Variants in SEC31A observed in about 807,000 individuals in gnomAD.
The protein encoded by SEC31A is SEC31 homolog A, COPII component, also known as protein transport protein Sec31A.
SEC31A carries 70 observed loss-of-function variants against 151.0 expected under a neutral mutation model. The observed-to-expected ratio is 0.46, with a 90% CI of 0.38 to 0.57. SEC31A has a LOEUF of 0.57. Among genes scored for constraint, SEC31A ranks in the 20% least tolerant of loss-of-function variants. The pLI, the probability that SEC31A is intolerant of heterozygous loss-of-function variation, is 0.00. For synonymous variants in SEC31A, 475 were observed against 505.9 expected, an observed-to-expected ratio of 0.94 and a Z score of 0.82; for missense variants, 1,330 against 1,471.2, an observed-to-expected ratio of 0.90 and a Z score of 1.57.
Position 82,864,580 on chromosome 4 carries a change from T to C in SEC31A, c.1216A>G (p.Thr406Ala). 1 of 1,613,958 alleles carries C rather than the reference T, an allele frequency of 6.2e-7. No individual in the cohort carries two copies. The highest frequency in any genetic ancestry group is 1.1e-5 in the South Asian group (1 of 91,076). ...ASFSFGGKLV[T>A]FENVRMPSHQ... The stretch of plus-strand genomic sequence containing the variant: ...GAAGGCATTCTGACATTCTCAAACG[T>C]AACCAGTTTGCCTCCAAACTATAAA... Residue 406 changes from threonine to alanine, a missense_variant, in exon 11 of 27, where the codon ACG becomes GCG. Coordinates refer to ENST00000395310, the MANE Select transcript of SEC31A (RefSeq NM_001077207.4).
At chr4:82,836,752 T>C (rs921853740) in intron 22 of SEC31A, among the ~76,000 whole-genome samples, 2 of 151,986 alleles carry the variant, frequency 1.3e-5, no homozygotes, top group African/African-American at 4.8e-5. Context: ...TGTTTCAGTA[T>C]GAGATGATGA....
At chr4:82,844,619 T>G in intron 20 of SEC31A, 110 bp from the exon 21 acceptor site, 1 of 1,111,244 alleles carries the variant, frequency 9.0e-7, no homozygotes, top group South Asian at 1.6e-5. Flanking sequence ...AAAAAAAACT[T>G]TATTGCATAA....
At chr4:82,841,706 T>G (rs1419614264) in intron 22 of SEC31A, among the ~76,000 whole-genome samples, 1 of 151,200 alleles carries the variant, frequency 6.6e-6, no homozygotes, top group Non-Finnish European at 1.5e-5. Flanking sequence ...GTTCAGTGGC[T>G]CACACCTGTA....
At position 82,841,442 on chromosome 4, in the gene SEC31A, T is replaced by TTATATATATATATATATATATATA. The variant is rs58373170; in HGVS notation, c.2968+674_2968+697dup. Among the ~76,000 whole-genome samples the TTATATATATATATATATATATATA allele has an allele frequency of 4.7e-3, 300 of 64,192 alleles. 5 individuals are homozygous for TTATATATATATATATATATATATA. Among genetic ancestry groups the TTATATATATATATATATATATATA allele is most frequent in the Middle Eastern group, 0.038 (3 of 78 alleles). 42.1% of individuals were successfully genotyped at this position (64,192 alleles called of 152,430 possible). ...CATCTCAAAAAAGAAAAAAAAAATT[T>TTATATATATATATATATATATATA]TATATATATATATATATATATATAT... On this transcript the variant is annotated intron_variant, in intron 22 of 26. Coordinates refer to ENST00000395310, the MANE Select transcript of SEC31A (RefSeq NM_001077207.4).
chr4:82,883,017 G>A (rs1319641473), intron 1 of SEC31A, among the ~76,000 whole-genome samples: 1 of 152,206 alleles, frequency 6.6e-6, no homozygotes, highest in Non-Finnish European at 1.5e-5. Context: ...CTATTTGGGA[G>A]GCTGAAGCAG....
At chr4:82,838,718 G>A (rs1375270775) in intron 22 of SEC31A, among the ~76,000 whole-genome samples, 1 of 152,128 alleles carries the variant, frequency 6.6e-6, no homozygotes. Context: ...GAAATGTATG[G>A]TCTTTTCTGC....
At chr4:82,858,879 T>G (rs993418870) in intron 14 of SEC31A, among the ~76,000 whole-genome samples, 16 of 151,602 alleles carry the variant, frequency 1.1e-4, no homozygotes, top group Non-Finnish European at 2.2e-4. Context: ...ATTTTTGTAT[T>G]TTTAGTAGAG....
chr4:82,898,311 T>C (rs1350386), intron 3 of SEC31A, among the ~76,000 whole-genome samples: 103,770 of 152,084 alleles, frequency 0.68, 37,683 homozygotes, highest in Non-Finnish European at 0.8. Context: ...ACAAAAAAAG[T>C]ATAGATAAGT....
rs1737770486 is a variant in SEC31A at position 82,875,722 on chromosome 4, A to C, written c.498+5T>G. 6.5e-7 allele frequency: 1 copy of C among 1,544,982 alleles called. No individual in the cohort carries two copies. The highest frequency in any genetic ancestry group is 8.9e-7 in the Non-Finnish European group (1 of 1,122,952). ...TTACAATGATCAAAATCAATATAAA[A>C]ATACCTGTGTTTTGGCTCCTGGTGT... On this transcript the variant is annotated splice_donor_5th_base_variant and intron_variant, in intron 5 of 26. Coordinates refer to ENST00000395310, the MANE Select transcript of SEC31A (RefSeq NM_001077207.4).
chr4:82,856,897 T>C, intron 16 of SEC31A, 55 bp downstream of exon 16: 3 of 1,434,168 alleles, frequency 2.1e-6, no homozygotes, highest in African/African-American at 1.4e-5. Context: ...AACAGTGTAT[T>C]GTTTTTATAA....
intron 3 of SEC31A, chr4:82,897,766 T>G (rs1578435528): frequency 6.6e-6 from 1 of 151,974 alleles, no homozygotes; most frequent in East Asian, 1.9e-4. Flanking sequence ...GAAATGAAAT[T>G]AAAAAAAGCT....
At chr4:82,888,372 A>AC (rs1288471958) in intron 1 of SEC31A, among the ~76,000 whole-genome samples, 5 of 42,978 alleles carry the variant, frequency 1.2e-4, no homozygotes, top group African/African-American at 1.8e-4. Flanking sequence ...AAAAAAAAAA[A>AC]ACACACAAAA....
rs375907439 is a variant in SEC31A at position 82,900,333 on chromosome 4, C to A, written c.-174+1G>T. ...CACCGTGTTTTATCCCTCTTCCATA[C>A]CCTTTCCTCCCGATATCCTCCAGTT... On this transcript the variant is annotated splice_donor_variant, in intron 1 of 28. Transcript: ENST00000355196. LOFTEE classifies it low-confidence loss of function (5UTR_SPLICE). 12 of 186,046 alleles carry A rather than the reference C, an allele frequency of 6.5e-5. No individual in the cohort carries two copies. Among genetic ancestry groups the A allele is most frequent in the East Asian group, 4.8e-4 (3 of 6,274 alleles). The allele number at this position is 186,046 out of a possible 1,614,324, so 11.5% of individuals were successfully genotyped here.
Position 82,857,086 on chromosome 4 carries a change from C to A in SEC31A, c.1747G>T (p.Glu583Ter). 6.2e-7 allele frequency: 1 copy of A among 1,613,780 alleles called. No individual in the cohort carries two copies. The highest frequency in any genetic ancestry group is 8.5e-7 in the Non-Finnish European group (1 of 1,179,954). Residue 583 changes from glutamate to a stop codon, truncating the protein, a stop_gained, in exon 16 of 27, where the codon GAG (glutamate) becomes TAG (stop). Transcript: ENST00000395310. LOFTEE classifies it high-confidence loss of function. ...ITQALLTGNF[E>*]SAVDLCLHDN... The stretch of plus-strand genomic sequence containing the variant: ...TGTAAACAAAGGTCAACAGCACTCT[C>A]AAAATTGCCCGTCAGCAAAGCCTGA...
chr4:82,890,470 T>G (rs964378396), intron 1 of SEC31A, among the ~76,000 whole-genome samples: 1 of 152,214 alleles, frequency 6.6e-6, no homozygotes, highest in Non-Finnish European at 1.5e-5. Flanking sequence ...AAATTTATAA[T>G]GCCCACAAGT....
chr4:82,830,206 G>A (rs1391086872), intron 22 of SEC31A, among the ~76,000 whole-genome samples: 2 of 152,242 alleles, frequency 1.3e-5, no homozygotes, highest in Non-Finnish European at 2.9e-5. Flanking sequence ...GCTCATGCCT[G>A]TAATTCCAGC....
Position 82,835,202 on chromosome 4 carries a change from T to C in SEC31A, c.2969-6144A>G, listed in dbSNP as rs76386867. On this transcript the variant is annotated intron_variant, in intron 22 of 26. Transcript: ENST00000395310. The stretch of plus-strand genomic sequence containing the variant: ...GATCTCTACTTTATAGAGACATCCT[T>C]TAATAGCGACAGGACATAAAACAAG... Among the ~76,000 whole-genome samples the C allele has an allele frequency of 1.4e-3, 212 of 152,248 alleles. 1 individual carries two copies. The highest frequency in any genetic ancestry group is 2.4e-3 in the Non-Finnish European group (165 of 68,016).
Position 82,891,126 on chromosome 4 carries a change from C to T in SEC31A, c.-43G>A. ...TCGGCAGCCGGATCCTGCGTTAGTG[C>T]AGCGCTCGTCGGACTCTCCCAGCAT... On this transcript the variant is annotated 5_prime_UTR_variant, in exon 1 of 27. Coordinates refer to ENST00000395310, the MANE Select transcript of SEC31A (RefSeq NM_001077207.4). The T allele has an allele frequency of 6.5e-7, 1 of 1,535,988 alleles. No homozygotes were observed.
At position 82,851,439 on chromosome 4, in the gene SEC31A, T is replaced by C. The variant is rs768397680; in HGVS notation, c.2320A>G (p.Thr774Ala). ...AAALAFLPDN[T>A]NQPNIMQLRD... ...TGGTCAATTCTAATTACCTGGTTGGTGTTGTCAGGAAGAAAAGCCAAGGCT... is the reference window on the plus strand; with the variant it reads ...TGGTCAATTCTAATTACCTGGTTGGCGTTGTCAGGAAGAAAAGCCAAGGCT... Residue 774 changes from threonine (T) to alanine (A), a missense_variant, in exon 19 of 27, where the codon ACC (threonine) becomes GCC (alanine). Transcript: ENST00000395310. 6.2e-7 allele frequency: 1 copy of C among 1,611,632 alleles called. No homozygotes were observed. The highest frequency in any genetic ancestry group is 1.7e-5 in the Admixed American group (1 of 59,558).
Sources: allele counts gnomAD v4.1 joint callset (sites outside exome capture counted in the v4.1 genomes callset), GRCh38; gene constraint gnomAD v4.1.1; transcripts MANE v1.5; gene names NCBI Gene and HGNC (gene_info 2026-07-23, HGNC 2026-07-21).